Variants in PLCE1 observed in about 807,000 individuals in gnomAD.
The protein encoded by PLCE1 is 1-phosphatidylinositol 4,5-bisphosphate phosphodiesterase epsilon-1.
In PLCE1, 119 loss-of-function variants were observed where a neutral mutation model predicts 242.8. The ratio of observed to expected loss-of-function variants is 0.49; its 90% CI spans 0.42 to 0.57. PLCE1 has a LOEUF of 0.57. Ranked by LOEUF, PLCE1 falls within the 20% of genes least tolerant of loss-of-function variation. The probability of loss-of-function intolerance (pLI) is 0.00; values close to 1 mark genes in which losing one functional copy is unlikely to be tolerated. For missense variants in PLCE1, 2,441 were observed against 2,788.8 expected (o/e 0.88, Z 2.81); for synonymous variants, 945 against 1,017.4 (o/e 0.93, Z 1.35).
At chr10:94,070,532 A>T (rs1471292785) in intron 2 of PLCE1, among the ~76,000 whole-genome samples, 1 of 152,138 alleles carries the variant, frequency 6.6e-6, no homozygotes, top group African/African-American at 2.4e-5. Flanking sequence ...AGTGCCTCTC[A>T]GCTGGCCCCT....
At position 94,061,122 on chromosome 10, in the gene PLCE1, C is replaced by A. The variant is rs1461612125; in HGVS notation, c.1206+28870C>A. Among the ~76,000 whole-genome samples the A allele has an allele frequency of 2.0e-5, 3 of 152,158 alleles. No individual in the cohort carries two copies. In the East Asian group the frequency reaches 5.8e-4, roughly 29 times the overall value. On this transcript the variant is annotated intron_variant, in intron 2 of 32. Coordinates refer to ENST00000371380, the MANE Select transcript of PLCE1 (RefSeq NM_016341.4). ...AACTGTGGGGCAAGGGCACTGGATG[C>A]TCTGCATGTCAGGTTTCAAGCAAAA... is the stretch of plus-strand genomic sequence containing the variant.
chr10:94,111,734 C>T (rs368725251), intron 2 of PLCE1, among the ~76,000 whole-genome samples: 2 of 152,172 alleles, frequency 1.3e-5, no homozygotes, highest in African/African-American at 4.8e-5. Flanking sequence ...AAAGAATGTA[C>T]ACTTTTTGAA....
intron 2 of PLCE1, chr10:94,106,294 A>G (rs912363007): frequency 6.6e-6 from 1 of 152,242 alleles, no homozygotes; most frequent in African/African-American, 2.4e-5. Context: ...ACATACTACA[A>G]CATGCCTTTT....
chr10:94,034,852 TCAGGA>T (rs1466529208), intron 2 of PLCE1, among the ~76,000 whole-genome samples: 3 of 152,174 alleles, frequency 2.0e-5, no homozygotes, highest in African/African-American at 7.2e-5. Context: ...TGCTTTTTGA[TCAGGA>T]CATTTCAGGA....
intron 4 of PLCE1, among the ~76,000 whole-genome samples, chr10:94,175,333 T>C (rs1174299847): frequency 6.6e-6 from 1 of 152,156 alleles, no homozygotes; most frequent in Non-Finnish European, 1.5e-5. Flanking sequence ...TTCTGATTTT[T>C]ATCCAGTTTC....
intron 2 of PLCE1, among the ~76,000 whole-genome samples, chr10:94,116,189 A>G (rs1013914989): frequency 1.3e-5 from 2 of 151,960 alleles, no homozygotes; most frequent in African/African-American, 4.8e-5. Context: ...CCTGCCACAA[A>G]TACCCCTGAG....
At chr10:94,058,313 C>T (rs1314866500) in intron 2 of PLCE1, among the ~76,000 whole-genome samples, 1 of 152,098 alleles carries the variant, frequency 6.6e-6, no homozygotes, top group African/African-American at 2.4e-5. Flanking sequence ...AGGATTTTGC[C>T]TGTCTCTGGA....
intron 5 of PLCE1, among the ~76,000 whole-genome samples, chr10:94,231,516 A>G (rs2050142368): frequency 2.6e-5 from 4 of 151,828 alleles, no homozygotes. Flanking sequence ...TTTTCCAGTC[A>G]CTTTCCTAGT....
rs267602626 is a variant in PLCE1, at chr10:94,298,411, G to T, written c.5200G>T (p.Glu1734Ter). 8 of 1,614,042 alleles carry T rather than the reference G, an allele frequency of 5.0e-6. No individual in the cohort carries two copies. The highest frequency in any genetic ancestry group is 6.8e-6 in the Non-Finnish European group (8 of 1,179,952). Residue 1734 changes from glutamate (E) to a stop codon, truncating the protein, a stop_gained, in exon 24 of 33, where the codon GAA becomes TAA. Transcript: ENST00000371380. LOFTEE classifies it high-confidence loss of function. The surrounding 1 kb of genome is among the most constrained non-coding windows in gnomAD (Gnocchi z 5.2). ...TGAAGGCATTCGACAGACCTGGGAG[G>T]AATCTTCTTCCCCTCTCAACCCAAC... ...SCEGIRQTWE[E>*]SSSPLNPTTS...
chr10:93,996,841 T>G (rs962821824), intron 1 of PLCE1, among the ~76,000 whole-genome samples: 3 of 152,226 alleles, frequency 2.0e-5, no homozygotes, highest in Admixed American at 1.3e-4. Context: ...AAGTGCTTGA[T>G]AGCTACATGC....
At chr10:94,047,163 A>G (rs572052716) in intron 2 of PLCE1, among the ~76,000 whole-genome samples, 1 of 152,210 alleles carries the variant, frequency 6.6e-6, no homozygotes, top group Non-Finnish European at 1.5e-5. Context: ...CCACAATGCT[A>G]TATTACCTCC....
intron 22 of PLCE1, among the ~76,000 whole-genome samples, chr10:94,291,810 G>A (rs2052655638): frequency 6.6e-6 from 1 of 152,174 alleles, no homozygotes; most frequent in African/African-American, 2.4e-5. Flanking sequence ...CGGTAAGTGA[G>A]CCAACGGGGT....
At chr10:94,028,519 C>T (rs2061495626) in intron 1 of PLCE1, among the ~76,000 whole-genome samples, 1 of 152,160 alleles carries the variant, frequency 6.6e-6, no homozygotes, top group Admixed American at 6.5e-5. Flanking sequence ...AGAGGGAAGC[C>T]ACTAAGTATA....
intron 4 of PLCE1, among the ~76,000 whole-genome samples, chr10:94,199,361 A>G (rs2048922166): frequency 6.6e-6 from 1 of 152,196 alleles, no homozygotes; most frequent in African/African-American, 2.4e-5. Context: ...GCCCTTGTCA[A>G]AAATCTCAGT....
chr10:94,142,350 CA>C (rs5787101), intron 3 of PLCE1, among the ~76,000 whole-genome samples: 69 of 119,360 alleles, frequency 5.8e-4, no homozygotes, highest in African/African-American at 1.9e-3. Context: ...GATGCTGTCT[CA>C]AAAAAAAAAA....
intron 7 of PLCE1, among the ~76,000 whole-genome samples, chr10:94,239,258 T>C (rs2050422447): frequency 6.6e-6 from 1 of 152,174 alleles, no homozygotes; most frequent in African/African-American, 2.4e-5. Flanking sequence ...TCCCCACGTG[T>C]CAAGGGAGAG....
chr10:94,213,448 T>C (rs1267594495), intron 4 of PLCE1, among the ~76,000 whole-genome samples: 1 of 152,136 alleles, frequency 6.6e-6, no homozygotes, highest in Non-Finnish European at 1.5e-5. Flanking sequence ...TTTGAACCTG[T>C]CTATGACTCA....
At chr10:94,099,193 T>C (rs1242236179) in intron 2 of PLCE1, among the ~76,000 whole-genome samples, 1 of 152,202 alleles carries the variant, frequency 6.6e-6, no homozygotes, top group Non-Finnish European at 1.5e-5. Flanking sequence ...TGAACCTAAT[T>C]CCTCTTCTTT....
chr10:94,075,517 TCTA>T lies in PLCE1; in HGVS notation c.1206+43268_1206+43270del, dbSNP rs555001109. On this transcript the variant is annotated intron_variant, in intron 2 of 32. Coordinates refer to ENST00000371380, the MANE Select transcript of PLCE1 (RefSeq NM_016341.4). ...GAAAGATTGAATTCTACTGCTGACT[TCTA>T]CTGACTAAACTGCTGGCATTCTGTT... is the stretch of plus-strand genomic sequence containing the variant. Among the ~76,000 whole-genome samples, 20 of 152,378 alleles carry T rather than the reference TCTA, an allele frequency of 1.3e-4. No individual in the cohort carries two copies. The South Asian group carries it at 4.1e-3, about 32-fold the overall frequency.
Sources: gnomAD v4.1 joint callset for allele counts (sites outside exome capture counted in the v4.1 genomes callset) on GRCh38, gnomAD v4.1.1 for gene constraint, Gnocchi (gnomAD v3.1) non-coding constraint, MANE v1.5 for transcripts, NCBI Gene and HGNC (gene_info 2026-07-23, HGNC 2026-07-21) for gene names.